FUBP1: variants seen among roughly 807,000 people sequenced by gnomAD.
FUBP1 encodes the protein far upstream element-binding protein 1.
Under a neutral mutation model 94.9 loss-of-function variants are expected in FUBP1, and 16 were observed. That is an observed-to-expected ratio of 0.17 (90% confidence interval 0.11 to 0.26). The LOEUF (loss-of-function observed/expected upper bound fraction) is 0.26. Among genes scored for constraint, FUBP1 ranks in the 10% least tolerant of loss-of-function variants. The probability of loss-of-function intolerance (pLI) is 1.00; values close to 1 mark genes in which losing one functional copy is unlikely to be tolerated. For missense variants in FUBP1, 583 were observed against 808.6 expected (o/e 0.72, Z 3.38); for synonymous variants, 279 against 254.9 (o/e 1.09, Z -0.90).
At chr1:77,965,864 T>C (rs1234325349) in intron 7 of FUBP1, among the ~76,000 whole-genome samples, 1 of 152,142 alleles carries the variant, frequency 6.6e-6, no homozygotes, top group Non-Finnish European at 1.5e-5. Flanking sequence ...CCGGCCAACA[T>C]GGTGAAACCC....
At chr1:77,970,733 T>C (rs1191452405) in intron 1 of FUBP1, among the ~76,000 whole-genome samples, 2 of 152,210 alleles carry the variant, frequency 1.3e-5, no homozygotes, top group African/African-American at 2.4e-5. Context: ...TTATTGCACC[T>C]GACTGAACCA....
intron 2 of FUBP1, 97 bp from the exon 3 acceptor site, chr1:77,968,300 T>C: frequency 2.8e-6 from 2 of 707,954 alleles, no homozygotes; most frequent in Non-Finnish European, 4.7e-6. Context: ...TTTATTGAAA[T>C]ATCTGAAGGT....
intron 13 of FUBP1, 60 bp downstream of exon 13, chr1:77,963,514 C>T: frequency 1.0e-6 from 1 of 977,286 alleles, no homozygotes; most frequent in Non-Finnish European, 1.6e-6. Context: ...ACGACAGCAA[C>T]AGAAAGTGTC....
At chr1:77,974,815 T>C (rs1321579779) in intron 1 of FUBP1, among the ~76,000 whole-genome samples, 1 of 152,210 alleles carries the variant, frequency 6.6e-6, no homozygotes, top group Non-Finnish European at 1.5e-5. Flanking sequence ...CAGACTATTG[T>C]AGTTTACTTA....
chr1:77,960,587 T>A, intron 14 of FUBP1, 92 bp from the exon 15 acceptor site: 1 of 1,055,742 alleles, frequency 9.5e-7, no homozygotes, highest in Non-Finnish European at 1.3e-6. Flanking sequence ...TCTACCCTCT[T>A]ATAGTCACAA....
At chr1:77,957,806 G>A (rs1189654473) in intron 16 of FUBP1, among the ~76,000 whole-genome samples, 1 of 151,172 alleles carries the variant, frequency 6.6e-6, no homozygotes, top group South Asian at 2.1e-4. Context: ...TATCTCAATA[G>A]TGTCATTATC....
Position 77,962,821 on chromosome 1 carries a change from G to A in FUBP1, c.1293C>T (p.Gly431=), listed in dbSNP as rs1168903338. Reference sequence around the variant, plus strand: ...GAGCATAGTCTATCTGTTGTGGAGTGCCACGAATTGTAAATAACTTCATAT... The same window carrying A: ...GAGCATAGTCTATCTGTTGTGGAGTACCACGAATTGTAAATAACTTCATAT... The part of the protein sequence containing the change: ...DPNMKLFTIR[G]TPQQIDYARQ... Residue 431 remains glycine, a synonymous_variant, in exon 14 of 20, where the codon GGC becomes GGT. Transcript: ENST00000370768. 11 of 1,611,666 alleles carry A rather than the reference G, an allele frequency of 6.8e-6. No individual in the cohort carries two copies. Among genetic ancestry groups the A allele is most frequent in the African/African-American group, 2.7e-5 (2 of 74,872 alleles).
intron 1 of FUBP1, among the ~76,000 whole-genome samples, chr1:77,971,602 C>G (rs1161955194): frequency 6.6e-6 from 1 of 151,956 alleles, no homozygotes; most frequent in Non-Finnish European, 1.5e-5. Context: ...TTCCCATATA[C>G]CAACTGTATT....
intron 2 of FUBP1, 37 bp downstream of exon 2, chr1:77,969,888 C>G (rs779313044): frequency 2.2e-6 from 2 of 919,734 alleles, no homozygotes; most frequent in Non-Finnish European, 3.4e-6. Context: ...ACTAAACACT[C>G]TGAAAAACAA....
At position 77,947,922 on chromosome 1, in the gene FUBP1, A is replaced by C. The variant is rs1028348899; in HGVS notation, c.*844T>G. ...ACACTAACATTATATACATTGAAAG[A>C]GTTGCTTCACATGGAAAAAAACTGT... On this transcript the variant is annotated 3_prime_UTR_variant, in exon 20 of 20. Coordinates refer to ENST00000370768, the MANE Select transcript of FUBP1 (RefSeq NM_003902.5). 11 of 985,228 alleles carry C rather than the reference A, an allele frequency of 1.1e-5. No homozygotes were observed. In the Admixed American group the frequency reaches 1.5e-4, roughly 14 times the overall value. The allele number at this position is 985,228 out of a possible 1,614,324, so 61.0% of individuals were successfully genotyped here.
chr1:77,966,800 G>A (rs752384916), intron 6 of FUBP1, 49 bp from the exon 7 acceptor site: 17 of 1,284,708 alleles, frequency 1.3e-5, no homozygotes, highest in Non-Finnish European at 1.9e-5. Context: ...ATTAAAAGTA[G>A]CATTATTGTT....
At chr1:77,967,761 C>A in intron 3 of FUBP1, 95 bp from the exon 4 acceptor site, 1 of 759,322 alleles carries the variant, frequency 1.3e-6, no homozygotes, top group Non-Finnish European at 2.2e-6. Flanking sequence ...TCAAAAATCT[C>A]TCCCTAATGC....
At chr1:77,963,801 C>A in intron 12 of FUBP1, 86 bp from the exon 13 acceptor site, 1 of 1,093,362 alleles carries the variant, frequency 9.1e-7, no homozygotes, top group Non-Finnish European at 1.3e-6. Flanking sequence ...TTTTTCCCAG[C>A]TCTCATATAC....
intron 5 of FUBP1, 22 bp from the exon 6 acceptor site, chr1:77,966,977 T>C: frequency 6.4e-7 from 1 of 1,572,150 alleles, no homozygotes; most frequent in Non-Finnish European, 8.7e-7. Flanking sequence ...AAAAAAAATT[T>C]TTTTTTTGGT....
intron 14 of FUBP1, chr1:77,960,812 C>T (rs1655324578): frequency 4.1e-6 from 1 of 242,684 alleles, no homozygotes. Flanking sequence ...CTTACTTTTA[C>T]TATCTTTTTC....
At chr1:77,960,668 G>A in intron 14 of FUBP1, 173 bp from the exon 15 acceptor site, 2 of 524,058 alleles carry the variant, frequency 3.8e-6, no homozygotes, top group South Asian at 6.0e-5. Flanking sequence ...CCATAATAAT[G>A]AGACATGTAA....
At position 77,945,700 on chromosome 1, in the gene FUBP1, CAGG is replaced by C. The variant is rs1218955319; in HGVS notation, c.*3063_*3065del. 9.4e-6 allele frequency: 2 copies of C among 212,060 alleles called. No individual in the cohort carries two copies. The highest frequency in any genetic ancestry group is 2.3e-5 in the African/African-American group (1 of 44,190). 13.1% of individuals were successfully genotyped at this position (212,060 alleles called of 1,614,324 possible). A position where few individuals can be genotyped will look rare whatever the true frequency, so the allele number is the denominator to read the frequency against. ...TATTTTTCTTTGTTGCAGAGATAAG[CAGG>C]AGTTTTAAAAGGATCAGCACATTTT... On this transcript the variant is annotated 3_prime_UTR_variant, in exon 20 of 20. Coordinates refer to ENST00000370768, the MANE Select transcript of FUBP1 (RefSeq NM_003902.5).
intron 16 of FUBP1, among the ~76,000 whole-genome samples, chr1:77,958,711 T>C (rs1654921767): frequency 6.6e-6 from 1 of 152,176 alleles, no homozygotes; most frequent in African/African-American, 2.4e-5. Flanking sequence ...CCACTTCCAC[T>C]TCTTATTCCC....
intron 18 of FUBP1, 89 bp from the exon 19 acceptor site, chr1:77,949,389 T>C: frequency 9.5e-7 from 1 of 1,054,480 alleles, no homozygotes; most frequent in Non-Finnish European, 1.4e-6. Flanking sequence ...CTTCTTGTAA[T>C]ATTTCTCCCA....
Sources: allele counts gnomAD v4.1 joint callset (sites outside exome capture counted in the v4.1 genomes callset), GRCh38; gene constraint gnomAD v4.1.1; transcripts MANE v1.5; gene names NCBI Gene and HGNC (gene_info 2026-07-23, HGNC 2026-07-21).